The following MAGI2 variants were observed in gnomAD, a reference collection of about 807,000 sequenced individuals.
MAGI2 encodes membrane-associated guanylate kinase, WW and PDZ domain-containing protein 2.
A neutral mutation model predicts 133.3 loss-of-function variants in MAGI2; 35 were observed. That is an observed-to-expected ratio of 0.26 (90% CI 0.20 to 0.35). The LOEUF (loss-of-function observed/expected upper bound fraction) is 0.35. Ranked by LOEUF, MAGI2 falls within the 10% of genes least tolerant of loss-of-function variation. The probability of loss-of-function intolerance (pLI) is 1.00; values close to 1 mark genes in which losing one functional copy is unlikely to be tolerated. For missense variants in MAGI2, 1,636 were observed against 1,863.4 expected, an observed-to-expected ratio of 0.88 and a Z score of 2.25; for synonymous variants, 729 against 710.6, an observed-to-expected ratio of 1.03 and a Z score of -0.41.
chr7:79,120,789 T>C (rs1309623321), intron 1 of MAGI2, among the ~76,000 whole-genome samples: 1 of 152,102 alleles, frequency 6.6e-6, no homozygotes, highest in East Asian at 1.9e-4. Flanking sequence ...GTTTATATTA[T>C]GTAATTGTGG....
intron 1 of MAGI2, among the ~76,000 whole-genome samples, chr7:79,180,129 G>A (rs565139620): frequency 9.9e-5 from 15 of 152,096 alleles, no homozygotes; most frequent in African/African-American, 3.4e-4. Context: ...TCTTTCAAAA[G>A]AGACATATAA....
chr7:79,191,701 A>C (rs551801071), intron 1 of MAGI2, among the ~76,000 whole-genome samples: 1 of 151,810 alleles, frequency 6.6e-6, no homozygotes, highest in Non-Finnish European at 1.5e-5. Context: ...GTGGTTACCT[A>C]TTAGTTCTCA....
At chr7:79,272,925 C>T (rs192937789) in intron 1 of MAGI2, among the ~76,000 whole-genome samples, 44 of 152,160 alleles carry the variant, frequency 2.9e-4, no homozygotes, top group Non-Finnish European at 5.6e-4. Flanking sequence ...CTTCGCCAAA[C>T]AGCAAGAAAG....
At chr7:79,377,549 A>G (rs1216234639) in intron 1 of MAGI2, among the ~76,000 whole-genome samples, 1 of 151,932 alleles carries the variant, frequency 6.6e-6, no homozygotes, top group Admixed American at 6.6e-5. Flanking sequence ...AGTAAAACAA[A>G]TGAAAGATAA....
At position 79,188,539 on chromosome 7, in the gene MAGI2, G is replaced by T. The variant is rs150914618; in HGVS notation, c.302-181333C>A. On this transcript the variant is annotated intron_variant, in intron 1 of 21. Coordinates refer to ENST00000354212, the MANE Select transcript of MAGI2 (RefSeq NM_012301.4). ...TCCAGTCTATCATTGATGGGCATTTGGTTGATTCCAGGTCTTTGCTGTTGT... is the reference window on the plus strand; with the variant it reads ...TCCAGTCTATCATTGATGGGCATTTTGTTGATTCCAGGTCTTTGCTGTTGT... Among the ~76,000 whole-genome samples, 564 of 151,810 alleles carry T rather than the reference G, an allele frequency of 3.7e-3. 6 individuals carry two copies. Among genetic ancestry groups the T allele is most frequent in the Non-Finnish European group, 6.0e-3 (410 of 67,932 alleles).
At chr7:79,125,870 G>C (rs1820365813) in intron 1 of MAGI2, 1 of 451,376 alleles carries the variant, frequency 2.2e-6, no homozygotes, top group Non-Finnish European at 4.4e-6. Flanking sequence ...GAGAGTGACA[G>C]GGAAGTTACA....
chr7:79,280,067 T>C (rs138336313), intron 1 of MAGI2, among the ~76,000 whole-genome samples: 4 of 152,316 alleles, frequency 2.6e-5, no homozygotes, highest in East Asian at 3.9e-4. Flanking sequence ...TCAACCAATG[T>C]TGAGCAATTT....
chr7:79,193,602 ATAACT>A (rs1485532701), intron 1 of MAGI2, among the ~76,000 whole-genome samples: 2 of 151,948 alleles, frequency 1.3e-5, no homozygotes, highest in Non-Finnish European at 1.5e-5. Context: ...TAATAAACTA[ATAACT>A]TAAGAACTTT....
At chr7:79,155,928 G>T (rs1823735100) in intron 1 of MAGI2, among the ~76,000 whole-genome samples, 1 of 152,120 alleles carries the variant, frequency 6.6e-6, no homozygotes, top group Non-Finnish European at 1.5e-5. Flanking sequence ...TTTTTGAAAA[G>T]AACCTTTTGG....
At chr7:79,060,933 G>C (rs1384300803) in intron 1 of MAGI2, among the ~76,000 whole-genome samples, 1 of 152,106 alleles carries the variant, frequency 6.6e-6, no homozygotes, top group Non-Finnish European at 1.5e-5. Flanking sequence ...AAAAGCCAGT[G>C]GTGGCTCCAG....
At chr7:78,569,004 C>A (rs1801230703) in intron 3 of MAGI2, among the ~76,000 whole-genome samples, 1 of 152,018 alleles carries the variant, frequency 6.6e-6, no homozygotes, top group Admixed American at 6.6e-5. Context: ...GCCCCCGACA[C>A]CTGCTTGGTC....
At chr7:78,627,484 C>A (rs531993498) in intron 2 of MAGI2, among the ~76,000 whole-genome samples, 1 of 152,046 alleles carries the variant, frequency 6.6e-6, no homozygotes, top group African/African-American at 2.4e-5. Context: ...GATATGGCTG[C>A]GTATATTTTT....
chr7:78,750,804 A>C (rs1361004046), intron 2 of MAGI2, among the ~76,000 whole-genome samples: 4 of 152,204 alleles, frequency 2.6e-5, no homozygotes, highest in African/African-American at 9.6e-5. Context: ...AAGTGTTATA[A>C]AGGTTTCTAT....
chr7:78,141,538 A>AAATT (rs2150557942), intron 16 of MAGI2, among the ~76,000 whole-genome samples: 1 of 152,242 alleles, frequency 6.6e-6, no homozygotes, highest in East Asian at 1.9e-4. Context: ...TTTGGTGGCA[A>AAATT]AATTAAGAAA....
Position 78,135,101 on chromosome 7 carries a change from A to G in MAGI2, c.2951T>C (p.Ile984Thr). Residue 984 changes from isoleucine to threonine, a missense_variant, in exon 17 of 22, where the codon ATC becomes ACC. Ile to Thr is a moderately conservative substitution (Grantham distance 89, BLOSUM62 -1). Transcript: ENST00000354212. ...CACGATGTCAGCGTGAGGCATGTTG[A>G]TGATAGACTGGCCATTCACTGCTAG... The part of the protein sequence containing the change: ...RILAVNGQSI[I>T]NMPHADIVKL... The G allele has an allele frequency of 1.9e-6, 3 of 1,614,126 alleles. No individual in the cohort carries two copies. Among genetic ancestry groups the G allele is most frequent in the South Asian group, 2.2e-5 (2 of 91,076 alleles).
chr7:78,848,760 T>C (rs1394078498), intron 2 of MAGI2, among the ~76,000 whole-genome samples: 3 of 152,062 alleles, frequency 2.0e-5, no homozygotes, highest in Non-Finnish European at 4.4e-5. Flanking sequence ...TTTTTGACAC[T>C]AAGGTCTCTG....
At chr7:78,813,820 A>G (rs1789307254) in intron 2 of MAGI2, among the ~76,000 whole-genome samples, 2 of 151,688 alleles carry the variant, frequency 1.3e-5, no homozygotes, top group African/African-American at 4.8e-5. Flanking sequence ...AAAGCAACAA[A>G]AAACTATCAG....
At chr7:78,519,763 G>C (rs1036332806) in intron 4 of MAGI2, among the ~76,000 whole-genome samples, 1 of 152,146 alleles carries the variant, frequency 6.6e-6, no homozygotes, top group Non-Finnish European at 1.5e-5. Context: ...ATGAAATAGG[G>C]ATCAATGATC....
chr7:78,867,206 C>T (rs907045516), intron 2 of MAGI2, among the ~76,000 whole-genome samples: 3 of 151,032 alleles, frequency 2.0e-5, no homozygotes, highest in Admixed American at 6.6e-5. Flanking sequence ...ACCCAAAGGA[C>T]TATAAATCAT....
Sources: gnomAD v4.1 joint callset for allele counts (sites outside exome capture counted in the v4.1 genomes callset) on GRCh38, gnomAD v4.1.1 for gene constraint, MANE v1.5 for transcripts, NCBI Gene and HGNC (gene_info 2026-07-23, HGNC 2026-07-21) for gene names.